The following MFNG variants were observed in gnomAD, a reference collection of about 807,000 sequenced individuals.
MFNG encodes MFNG O-fucosylpeptide 3-beta-N-acetylglucosaminyltransferase.
Under a neutral mutation model 34.2 loss-of-function variants are expected in MFNG, and 24 were observed. The observed-to-expected ratio is 0.70, with a 90% confidence interval of 0.51 to 0.99. The LOEUF (loss-of-function observed/expected upper bound fraction) is 0.99. MFNG is among the 50% of genes least tolerant of loss of function. MFNG has a pLI of 0.00. For missense variants in MFNG, 383 were observed against 424.0 expected, an observed-to-expected ratio of 0.90 and a Z score of 0.85; for synonymous variants, 158 against 179.2, an observed-to-expected ratio of 0.88 and a Z score of 0.94.
chr22:37,469,983 G>T lies in MFNG; in HGVS notation c.946C>A (p.Pro316Thr). The change falls in exon 8 of 8, where the codon CCC (proline) becomes ACC (threonine). Residue 316 changes from proline to threonine, a missense_variant. Transcript: ENST00000356998. The stretch of plus-strand genomic sequence containing the variant: ...AGGATTCATCGGGCACCCAGCTGGG[G>T]ACACCAGGGTGTATCTGGATAGAGC... ...CLLYPDTPWC[P>T]QLGAR 6.2e-7 allele frequency: 1 copy of T among 1,608,860 alleles called. No homozygotes were observed. Among genetic ancestry groups the T allele is most frequent in the Non-Finnish European group, 8.5e-7 (1 of 1,177,384 alleles).
At chr22:37,472,175 G>C (rs1470299303) in intron 7 of MFNG, among the ~76,000 whole-genome samples, 2 of 152,078 alleles carry the variant, frequency 1.3e-5, no homozygotes, top group African/African-American at 4.8e-5. Flanking sequence ...AGAGGATTGG[G>C]GCTGGGAGAG....
rs1922376333 is a variant in MFNG, at chr22:37,483,120, G to C, written c.256-2351C>G. On this transcript the variant is annotated intron_variant, in intron 1 of 7. Transcript: ENST00000356998. This position sits in a 1 kb window ranked among gnomAD's most constrained non-coding sequence, Gnocchi z 4.5. The stretch of plus-strand genomic sequence containing the variant: ...CCAAGACCTGCTCCTCCCTCTCACT[G>C]GTTGGGACCCAAAACCTCAGACTCC... Among the ~76,000 whole-genome samples, 1 of 152,080 alleles carries C rather than the reference G, an allele frequency of 6.6e-6. No individual in the cohort carries two copies.
rs1922480760 is a variant in MFNG, at chr22:37,485,079, A to G, written c.255+844T>C. Among the ~76,000 whole-genome samples the G allele has an allele frequency of 6.6e-6, 1 of 151,976 alleles. No individual in the cohort carries two copies. The stretch of plus-strand genomic sequence containing the variant: ...CTTAAGGAAGATACTGGATGCGAGG[A>G]GGGAAAGGGCTGGAAGGGACTTGGC... On this transcript the variant is annotated intron_variant, in intron 1 of 7. Coordinates refer to ENST00000356998, the MANE Select transcript of MFNG (RefSeq NM_002405.4). The surrounding 1 kb of genome is among the most constrained non-coding windows in gnomAD (Gnocchi z 5.3).
chr22:37,471,932 G>A (rs1213439210), intron 7 of MFNG, among the ~76,000 whole-genome samples: 1 of 151,048 alleles, frequency 6.6e-6, no homozygotes, highest in Non-Finnish European at 1.5e-5. Flanking sequence ...CTCTAGACCA[G>A]TCAGGAGCGG....
At chr22:37,473,247 G>A (rs1005378061) in intron 6 of MFNG, among the ~76,000 whole-genome samples, 1 of 152,090 alleles carries the variant, frequency 6.6e-6, no homozygotes, top group Non-Finnish European at 1.5e-5. Flanking sequence ...AGACCAGCCT[G>A]GCCAACATGG....
chr22:37,470,173 C>A, intron 7 of MFNG, 144 bp from the exon 8 acceptor site: 1 of 636,874 alleles, frequency 1.6e-6, no homozygotes, highest in Non-Finnish European at 2.8e-6. Context: ...CCAGAGAATT[C>A]TTTGTTGTGG....
intron 1 of MFNG, chr22:37,484,517 G>GTCCC (rs2145740395): frequency 6.6e-6 from 1 of 152,562 alleles, no homozygotes; most frequent in Admixed American, 6.5e-5. Flanking sequence ...ACTGGGCTCT[G>GTCCC]TCCCCTCAGG....
chr22:37,477,392 T>C (rs1922090578), intron 4 of MFNG, among the ~76,000 whole-genome samples: 2 of 151,774 alleles, frequency 1.3e-5, no homozygotes, highest in East Asian at 1.9e-4. Flanking sequence ...TGAGTGTGCA[T>C]AGGAAAGATG....
chr22:37,480,359 C>A, intron 2 of MFNG, 60 bp from the exon 3 acceptor site: 1 of 1,331,412 alleles, frequency 7.5e-7, no homozygotes, highest in Non-Finnish European at 1.1e-6. Context: ...GAGCCCTGAA[C>A]ACAGAATACA....
At chr22:37,470,068 C>G (rs779867343) in intron 7 of MFNG, 39 bp from the exon 8 acceptor site, 6 of 1,495,402 alleles carry the variant, frequency 4.0e-6, no homozygotes, top group African/African-American at 1.4e-5. Context: ...GGTCACCCCC[C>G]ACTTCTGCTC....
In MFNG at chr22:37,485,236, TC is replaced by T. The variant is rs1281567225; in HGVS notation, c.255+686del. ...ACGTGCCAGGCAGGCCTCCCCAACC[TC>T]CGGCCCACCACTGCCTCAGCCGCCA... On this transcript the variant is annotated intron_variant, in intron 1 of 7. Transcript: ENST00000356998. The surrounding 1 kb of genome is among the most constrained non-coding windows in gnomAD (Gnocchi z 5.3). Among the ~76,000 whole-genome samples, 5 of 151,390 alleles carry T rather than the reference TC, an allele frequency of 3.3e-5. No individual in the cohort carries two copies. In the East Asian group the frequency reaches 9.8e-4, roughly 30 times the overall value.
chr22:37,483,664 A>G lies in MFNG; in HGVS notation c.255+2259T>C, dbSNP rs538105437. 6.6e-6 allele frequency among the ~76,000 whole-genome samples: 1 copy of G among 152,044 alleles called. No homozygotes were observed. The highest frequency in any genetic ancestry group is 1.5e-5 in the Non-Finnish European group (1 of 67,998). On this transcript the variant is annotated intron_variant, in intron 1 of 7. Transcript: ENST00000356998. The surrounding 1 kb of genome is among the most constrained non-coding windows in gnomAD (Gnocchi z 4.5). ...GGCGTGGTGCGCATGCCTGTAGTCC[A>G]AGCTACTCAGGAAGCTGAGGATCAC... is the stretch of plus-strand genomic sequence containing the variant.
rs994370659 is a variant in MFNG, at chr22:37,485,505, C to T, written c.255+418G>A. Among the ~76,000 whole-genome samples the T allele has an allele frequency of 5.9e-5, 9 of 152,230 alleles. No individual in the cohort carries two copies. Among genetic ancestry groups the T allele is most frequent in the South Asian group, 4.1e-4 (2 of 4,836 alleles). ...TGGGTGGGACAGCCTGGCCTGGGCA[C>T]GGGTCTGGGTCAGGACCTCTTGGAG... On this transcript the variant is annotated intron_variant, in intron 1 of 7. Coordinates refer to ENST00000356998, the MANE Select transcript of MFNG (RefSeq NM_002405.4). The surrounding 1 kb of genome is among the most constrained non-coding windows in gnomAD (Gnocchi z 5.3).
intron 6 of MFNG, among the ~76,000 whole-genome samples, chr22:37,473,850 A>G (rs1415640627): frequency 6.6e-6 from 1 of 152,152 alleles, no homozygotes. Flanking sequence ...GTTCACGTTG[A>G]GTTTCTGTCA....
At position 37,469,884 on chromosome 22, in the gene MFNG, C is replaced by T; in HGVS notation, c.*79G>A. 8.5e-7 allele frequency: 1 copy of T among 1,178,744 alleles called. No individual in the cohort carries two copies. Among genetic ancestry groups the T allele is most frequent in the Non-Finnish European group, 1.2e-6 (1 of 805,682 alleles). The allele number at this position is 1,178,744 out of a possible 1,614,324, so 73.0% of individuals were successfully genotyped here. ...GGGACTGCCTATCACAAGACACTTG[C>T]CAGGGACCCACAGTGCCACCTTGGG... On this transcript the variant is annotated 3_prime_UTR_variant, in exon 8 of 8. Transcript: ENST00000356998.
intron 5 of MFNG, among the ~76,000 whole-genome samples, chr22:37,475,976 C>G (rs1055404693): frequency 6.6e-6 from 1 of 152,332 alleles, no homozygotes; most frequent in Non-Finnish European, 1.5e-5. Flanking sequence ...AGTAGCAAGG[C>G]TTGCAGACCT....
intron 6 of MFNG, 68 bp from the exon 7 acceptor site, chr22:37,472,596 G>A (rs528245972): frequency 8.9e-5 from 125 of 1,410,820 alleles, no homozygotes; most frequent in Non-Finnish European, 1.2e-4. Flanking sequence ...CAGCATCCTG[G>A]CACAGGTGGA....
In MFNG at chr22:37,486,345, T is replaced by C. The variant is rs1922557045; in HGVS notation, c.-168A>G. On this transcript the variant is annotated 5_prime_UTR_variant, in exon 1 of 8. It removes an upstream start codon present in the reference 5' UTR. Coordinates refer to ENST00000356998, the MANE Select transcript of MFNG (RefSeq NM_002405.4). ...GGCTCTGGACCCAGAGGCTGAGCCA[T>C]GGCAGCACGATCTCGACCGCCGCCA... 2 of 652,568 alleles carry C rather than the reference T, an allele frequency of 3.1e-6. No homozygotes were observed. The highest frequency in any genetic ancestry group is 3.8e-5 in the African/African-American group (2 of 53,208). 40.4% of individuals were successfully genotyped at this position (652,568 alleles called of 1,614,324 possible).
intron 4 of MFNG, among the ~76,000 whole-genome samples, chr22:37,478,102 A>T (rs561081005): frequency 4.7e-4 from 71 of 152,218 alleles, no homozygotes; most frequent in Non-Finnish European, 9.6e-4. Context: ...TCATACACAG[A>T]GCCCTAGGGC....
Sources: allele counts gnomAD v4.1 joint callset (sites outside exome capture counted in the v4.1 genomes callset), GRCh38; gene constraint gnomAD v4.1.1; non-coding constraint Gnocchi (gnomAD v3.1); transcripts MANE v1.5; gene names NCBI Gene and HGNC (gene_info 2026-07-23, HGNC 2026-07-21).